DPP10: variants seen among roughly 807,000 people sequenced by gnomAD.
DPP10 encodes the protein inactive dipeptidyl peptidase 10.
DPP10 carries 33 observed loss-of-function variants against 120.9 expected under a neutral mutation model. The observed-to-expected ratio is 0.27, with a 90% CI of 0.21 to 0.37. The LOEUF (loss-of-function observed/expected upper bound fraction) is 0.37, where lower values mean the gene tolerates loss of function less well. Among genes scored for constraint, DPP10 ranks in the 10% least tolerant of loss-of-function variants. DPP10 has a pLI of 1.00. For missense variants in DPP10, 816 were observed against 942.8 expected, an observed-to-expected ratio of 0.87 and a Z score of 1.76; for synonymous variants, 337 against 326.1, an observed-to-expected ratio of 1.03 and a Z score of -0.36.
chr2:115,656,013 G>C (rs1216388767), intron 5 of DPP10, among the ~76,000 whole-genome samples: 2 of 151,412 alleles, frequency 1.3e-5, no homozygotes, highest in Non-Finnish European at 3.0e-5. Context: ...TAAAGTTTCT[G>C]TTATGCATAA....
chr2:115,660,606 C>A (rs965549484), intron 5 of DPP10, among the ~76,000 whole-genome samples: 3 of 135,266 alleles, frequency 2.2e-5, no homozygotes, highest in African/African-American at 5.2e-5. Flanking sequence ...TTATCTTAGA[C>A]CCCATTATAA....
chr2:115,445,731 A>G (rs1176735836), intron 3 of DPP10, among the ~76,000 whole-genome samples: 5 of 152,126 alleles, frequency 3.3e-5, no homozygotes, highest in Non-Finnish European at 7.3e-5. Context: ...GAAAAGAAAA[A>G]CCCATTTTAT....
At chr2:114,827,378 G>A (rs564756396) in intron 1 of DPP10, among the ~76,000 whole-genome samples, 2 of 152,270 alleles carry the variant, frequency 1.3e-5, no homozygotes, top group South Asian at 2.1e-4. Flanking sequence ...AAAGACAACT[G>A]TAGATACTGG....
chr2:115,735,160 A>T (rs944272283), intron 8 of DPP10, among the ~76,000 whole-genome samples: 2 of 152,208 alleles, frequency 1.3e-5, no homozygotes, highest in Non-Finnish European at 1.5e-5. Context: ...ATACCCAAGA[A>T]AAAGTCAAAG....
intron 3 of DPP10, among the ~76,000 whole-genome samples, chr2:115,469,200 T>G (rs1316744255): frequency 6.6e-6 from 1 of 152,136 alleles, no homozygotes; most frequent in Admixed American, 6.6e-5. Context: ...CATTATTGTC[T>G]AAAGAAAATA....
intron 4 of DPP10, among the ~76,000 whole-genome samples, chr2:115,513,499 T>G (rs1359159640): frequency 6.6e-6 from 1 of 151,972 alleles, no homozygotes; most frequent in Admixed American, 6.6e-5. Flanking sequence ...TATTTTCTGC[T>G]GTATCTTTTA....
intron 1 of DPP10, among the ~76,000 whole-genome samples, chr2:115,289,485 CA>C (rs71394125): frequency 0.039 from 1,523 of 38,902 alleles, 28 homozygotes; most frequent in African/African-American, 0.13. Context: ...CATAAGAAAC[CA>C]AAAAAAAAAA....
At chr2:115,752,920 A>G (rs998853236) in intron 10 of DPP10, among the ~76,000 whole-genome samples, 1 of 152,138 alleles carries the variant, frequency 6.6e-6, no homozygotes, top group Non-Finnish European at 1.5e-5. Context: ...ATTTGTTCTC[A>G]AATTATCTGT....
At chr2:114,466,543 T>C (rs1037398538) in intron 1 of DPP10, among the ~76,000 whole-genome samples, 3 of 152,156 alleles carry the variant, frequency 2.0e-5, no homozygotes, top group Non-Finnish European at 4.4e-5. Context: ...GCAGGTTGTT[T>C]AATTTCTTGG....
At chr2:114,663,662 T>TAGAGAGAGAGAGAG (rs1407543024) in intron 1 of DPP10, among the ~76,000 whole-genome samples, 50 of 94,992 alleles carry the variant, frequency 5.3e-4, no homozygotes, top group South Asian at 2.2e-3. Context: ...TATATATATA[T>TAGAGAGAGAGAGAG]ATATATAGAG....
intron 1 of DPP10, among the ~76,000 whole-genome samples, chr2:114,621,226 G>A (rs1694069148): frequency 1.3e-5 from 2 of 152,102 alleles, no homozygotes; most frequent in Admixed American, 6.6e-5. Context: ...TTCCAGAGGA[G>A]AGGGAGACAG....
intron 3 of DPP10, among the ~76,000 whole-genome samples, chr2:115,382,330 G>A (rs929749363): frequency 1.6e-4 from 25 of 152,282 alleles, no homozygotes; most frequent in African/African-American, 4.6e-4. Flanking sequence ...TCCAGGTGCC[G>A]TCTGTCACCC....
chr2:115,780,279 A>G (rs1036006645), intron 15 of DPP10, among the ~76,000 whole-genome samples: 1 of 151,904 alleles, frequency 6.6e-6, no homozygotes, highest in African/African-American at 2.4e-5. Context: ...TTACCACCTC[A>G]TTATGTCAAA....
At chr2:115,256,526 G>C (rs976644733) in intron 1 of DPP10, among the ~76,000 whole-genome samples, 3 of 152,184 alleles carry the variant, frequency 2.0e-5, no homozygotes, top group Non-Finnish European at 2.9e-5. Context: ...GTAGTGTTCC[G>C]AGGTAGTGTA....
chr2:114,933,336 A>G (rs748195534), intron 1 of DPP10, among the ~76,000 whole-genome samples: 11 of 152,188 alleles, frequency 7.2e-5, no homozygotes, highest in African/African-American at 2.2e-4. Flanking sequence ...CAAGATATGC[A>G]TGACACAATC....
At chr2:115,319,628 A>G (rs952502000) in intron 2 of DPP10, among the ~76,000 whole-genome samples, 2 of 152,174 alleles carry the variant, frequency 1.3e-5, no homozygotes, top group Non-Finnish European at 2.9e-5. Flanking sequence ...GCGTTTTTCT[A>G]GAAACTTGTT....
rs138750820 is a variant in DPP10, at chr2:114,761,621, G to A, written c.60+318783G>A. ...TTGGGTCCTCTGCATATCACCCCCA[G>A]GGGACTTGAGGAGCAGCGGGGAACC... On this transcript the variant is annotated intron_variant, in intron 1 of 25. Coordinates refer to ENST00000410059, the MANE Select transcript of DPP10 (RefSeq NM_020868.6). Among the ~76,000 whole-genome samples, 282 of 152,240 alleles carry A rather than the reference G, an allele frequency of 1.9e-3. 1 individual carries two copies. The highest frequency in any genetic ancestry group is 6.5e-3 in the African/African-American group (272 of 41,546).
intron 1 of DPP10, among the ~76,000 whole-genome samples, chr2:114,574,672 A>G (rs570825182): frequency 6.6e-6 from 1 of 152,342 alleles, no homozygotes; most frequent in African/African-American, 2.4e-5. Context: ...CCCAATAGCA[A>G]CCGCAACACA....
intron 1 of DPP10, among the ~76,000 whole-genome samples, chr2:114,493,446 G>A (rs927057643): frequency 6.6e-6 from 1 of 152,142 alleles, no homozygotes; most frequent in African/African-American, 2.4e-5. Context: ...CAGCATGTAA[G>A]AGAGGGACTT....
Sources: gnomAD v4.1 joint callset for allele counts (sites outside exome capture counted in the v4.1 genomes callset) on GRCh38, gnomAD v4.1.1 for gene constraint, MANE v1.5 for transcripts, NCBI Gene and HGNC (gene_info 2026-07-23, HGNC 2026-07-21) for gene names.